Variants in CARD19 observed in about 807,000 individuals in gnomAD.
CARD19 encodes the protein caspase recruitment domain-containing protein 19.
A neutral mutation model predicts 24.1 loss-of-function variants in CARD19; 25 were observed. The ratio of observed to expected loss-of-function variants is 1.04; its 90% CI spans 0.76 to 1.45. The LOEUF is 1.45. Among genes scored for constraint, CARD19 ranks in the 40% most tolerant of loss-of-function variants. The pLI is 0.00. For synonymous variants in CARD19, 103 were observed against 104.9 expected, an observed-to-expected ratio of 0.98 and a Z score of 0.11; for missense variants, 241 against 247.4, an observed-to-expected ratio of 0.97 and a Z score of 0.17.
Position 93,096,315 on chromosome 9 carries a change from G to A in CARD19, c.-31G>A, listed in dbSNP as rs879915113. 4 of 1,225,348 alleles carry A rather than the reference G, an allele frequency of 3.3e-6. No homozygotes were observed. The highest frequency in any genetic ancestry group is 4.3e-5 in the Admixed American group (1 of 23,454). 75.9% of individuals were successfully genotyped at this position (1,225,348 alleles called of 1,614,324 possible). ...CGGACGCGCGGCGGGGCAGACCGCT[G>A]GGGACTGCGGGCGGCGCTGTGTCCG... is the stretch of plus-strand genomic sequence containing the variant. On this transcript the variant is annotated 5_prime_UTR_variant, in exon 1 of 6. Transcript: ENST00000375464. This position sits in a 1 kb window ranked among gnomAD's most constrained non-coding sequence, Gnocchi z 5.4.
rs1826889572 is a variant in CARD19, at chr9:93,096,910, T to C, written c.7+558T>C. 2.0e-5 allele frequency among the ~76,000 whole-genome samples: 3 copies of C among 152,034 alleles called. No individual in the cohort carries two copies. Among genetic ancestry groups the C allele is most frequent in the Non-Finnish European group, 4.4e-5 (3 of 68,000 alleles). ...AGACTCCTTCGGTGGTCCACGACGC[T>C]CTTGCCCCTGTTTAGTTCTAAGAGA... On this transcript the variant is annotated intron_variant, in intron 1 of 5. Coordinates refer to ENST00000375464, the MANE Select transcript of CARD19 (RefSeq NM_032310.5). This position sits in a 1 kb window ranked among gnomAD's most constrained non-coding sequence, Gnocchi z 5.4.
chr9:93,102,492 C>T (rs1827121628), intron 1 of CARD19, among the ~76,000 whole-genome samples: 1 of 151,812 alleles, frequency 6.6e-6, no homozygotes, highest in Non-Finnish European at 1.5e-5. Flanking sequence ...TCTTTTTTTC[C>T]ACTCTTTTAA....
intron 1 of CARD19, among the ~76,000 whole-genome samples, chr9:93,098,787 G>T (rs375416782): frequency 6.6e-6 from 1 of 152,320 alleles, no homozygotes; most frequent in South Asian, 2.1e-4. Context: ...CTGCAGCAGC[G>T]GAGGCTCTGC....
Position 93,096,352 on chromosome 9 carries a change from G to A in CARD19, c.7G>A (p.Asp3Asn). ...CGGCGCTGTGTCCGTCGCCATGACA[G>A]GTGGGCACGGGGTCGGCTGGGCGGC... MT[D>N]QTYCDRLVQD... The change falls in exon 1 of 6, where the codon GAT (aspartate) becomes AAT (asparagine). Residue 3 changes from aspartate (D) to asparagine (N), a missense_variant and splice_region_variant. Coordinates refer to ENST00000375464, the MANE Select transcript of CARD19 (RefSeq NM_032310.5). This position sits in a 1 kb window ranked among gnomAD's most constrained non-coding sequence, Gnocchi z 5.4. 1.6e-6 allele frequency: 2 copies of A among 1,226,050 alleles called. No individual in the cohort carries two copies. The highest frequency in any genetic ancestry group is 2.0e-6 in the Non-Finnish European group (2 of 984,134). 75.9% of individuals were successfully genotyped at this position (1,226,050 alleles called of 1,614,324 possible).
chr9:93,110,489 G>T, intron 2 of CARD19, 79 bp from the exon 3 acceptor site: 3 of 1,515,310 alleles, frequency 2.0e-6, no homozygotes, highest in Non-Finnish European at 2.6e-6. Flanking sequence ...GAGGCTGGGG[G>T]CCTGACCTTG....
chr9:93,111,279 A>C lies in CARD19; in HGVS notation c.304+558A>C, dbSNP rs1037969483. The C allele has an allele frequency of 6.9e-6, 8 of 1,155,108 alleles. No individual in the cohort carries two copies. The African/African-American group carries it at 1.3e-4, about 19-fold the overall frequency. The allele number at this position is 1,155,108 out of a possible 1,614,324, so 71.6% of individuals were successfully genotyped here. The stretch of plus-strand genomic sequence containing the variant: ...AGTGTGGACTCAGGCCCTGGGAGTC[A>C]TGTGGATGCCAGTAGCCTGGGCCCA... On this transcript the variant is annotated intron_variant, in intron 3 of 5. Coordinates refer to ENST00000375464, the MANE Select transcript of CARD19 (RefSeq NM_032310.5).
chr9:93,102,836 G>A (rs182282778), intron 1 of CARD19, among the ~76,000 whole-genome samples: 291 of 152,170 alleles, frequency 1.9e-3, no homozygotes, highest in Admixed American at 2.7e-3. Context: ...CAGTGTACAA[G>A]ATTTTTGCCT....
intron 5 of CARD19, 43 bp from the exon 6 acceptor site, chr9:93,112,949 T>G (rs1230215710): frequency 7.1e-7 from 1 of 1,413,808 alleles, no homozygotes; most frequent in Non-Finnish European, 9.8e-7. Flanking sequence ...AATTCACCTC[T>G]GGGACTGGTT....
At chr9:93,099,382 C>G (rs748582074) in intron 1 of CARD19, among the ~76,000 whole-genome samples, 1 of 152,186 alleles carries the variant, frequency 6.6e-6, no homozygotes, top group Non-Finnish European at 1.5e-5. Flanking sequence ...GTCTGAATAT[C>G]AAGAGGTGGT....
At chr9:93,105,155 G>T (rs1238158045) in intron 1 of CARD19, among the ~76,000 whole-genome samples, 1 of 149,442 alleles carries the variant, frequency 6.7e-6, no homozygotes, top group Non-Finnish European at 1.5e-5. Context: ...TTTTAGCGCG[G>T]TGTAAGGTGT....
At chr9:93,104,459 T>G (rs890284108) in intron 1 of CARD19, among the ~76,000 whole-genome samples, 17 of 62,454 alleles carry the variant, frequency 2.7e-4, no homozygotes, top group African/African-American at 5.2e-4. Context: ...TTCTCTCGTC[T>G]TCAGTTTTTT....
Position 93,096,298 on chromosome 9 carries a change from C to T in CARD19, c.-48C>T. On this transcript the variant is annotated 5_prime_UTR_variant, in exon 1 of 6. Transcript: ENST00000375464. The surrounding 1 kb of genome is among the most constrained non-coding windows in gnomAD (Gnocchi z 5.4). ...GGCGGCTGACCGAGGGGCGGACGCG[C>T]GGCGGGGCAGACCGCTGGGGACTGC... 8.2e-7 allele frequency: 1 copy of T among 1,220,634 alleles called. No homozygotes were observed. The allele number at this position is 1,220,634 out of a possible 1,614,324, so 75.6% of individuals were successfully genotyped here. A position where few individuals can be genotyped will look rare whatever the true frequency, so the allele number is the denominator to read the frequency against.
intron 1 of CARD19, among the ~76,000 whole-genome samples, chr9:93,105,516 A>G (rs182415496): frequency 6.6e-6 from 1 of 152,220 alleles, no homozygotes; most frequent in African/African-American, 2.4e-5. Context: ...TCTGGCCTCA[A>G]GTGATCTGCC....
intron 1 of CARD19, among the ~76,000 whole-genome samples, chr9:93,107,350 TC>T (rs1410153210): frequency 6.6e-6 from 1 of 152,258 alleles, no homozygotes; most frequent in African/African-American, 2.4e-5. Context: ...CTGAGCTATT[TC>T]CTGATGGCCC....
Position 93,110,729 on chromosome 9 carries a change from C to T in CARD19, c.304+8C>T. The stretch of plus-strand genomic sequence containing the variant: ...CCAGCCGCCACGCTCTGCGTAAGTT[C>T]CACATCACCAACCATGCATGCTTGG... On this transcript the variant is annotated splice_region_variant and intron_variant, in intron 3 of 5. Coordinates refer to ENST00000375464, the MANE Select transcript of CARD19 (RefSeq NM_032310.5). 2 of 1,608,340 alleles carry T rather than the reference C, an allele frequency of 1.2e-6. No individual in the cohort carries two copies. The highest frequency in any genetic ancestry group is 2.2e-5 in the East Asian group (1 of 44,828).
rs1244929788 is a variant in CARD19, at chr9:93,112,301, C to T, written c.436+12C>T. 15 of 1,541,862 alleles carry T rather than the reference C, an allele frequency of 9.7e-6. No homozygotes were observed. Among genetic ancestry groups the T allele is most frequent in the Middle Eastern group, 1.8e-4 (1 of 5,676 alleles). On this transcript the variant is annotated intron_variant, in intron 5 of 5. Coordinates refer to ENST00000375464, the MANE Select transcript of CARD19 (RefSeq NM_032310.5). ...CTGCTATCCGCCAGGTGGGTGCAAG[C>T]GGATCCTCATGGGGCTGGGCCTGCC...
chr9:93,113,132 C>T lies in CARD19; in HGVS notation c.*25C>T. 6.7e-7 allele frequency: 1 copy of T among 1,481,716 alleles called. No individual in the cohort carries two copies. The allele number at this position is 1,481,716 out of a possible 1,614,324, so 91.8% of individuals were successfully genotyped here. A position where few individuals can be genotyped will look rare whatever the true frequency, so the allele number is the denominator to read the frequency against. On this transcript the variant is annotated 3_prime_UTR_variant, in exon 6 of 6. Coordinates refer to ENST00000375464, the MANE Select transcript of CARD19 (RefSeq NM_032310.5). Reference sequence around the variant, plus strand: ...ACAGACCCTGGACCCAGGGCCTCACCTGCCACTCAACCAAAGAGTCCTCGA... The same window carrying T: ...ACAGACCCTGGACCCAGGGCCTCACTTGCCACTCAACCAAAGAGTCCTCGA...
Position 93,113,152 on chromosome 9 carries a change from C to T in CARD19, c.*45C>T, listed in dbSNP as rs1827576493. ...CTCACCTGCCACTCAACCAAAGAGTCCTCGAGCCGGCCCGCCAAGGGGACT... is the reference window on the plus strand; with the variant it reads ...CTCACCTGCCACTCAACCAAAGAGTTCTCGAGCCGGCCCGCCAAGGGGACT... On this transcript the variant is annotated 3_prime_UTR_variant, in exon 6 of 6. Transcript: ENST00000375464. 1 of 1,304,832 alleles carries T rather than the reference C, an allele frequency of 7.7e-7. No homozygotes were observed. The highest frequency in any genetic ancestry group is 1.1e-6 in the Non-Finnish European group (1 of 948,554). The allele number at this position is 1,304,832 out of a possible 1,614,324, so 80.8% of individuals were successfully genotyped here. A position where few individuals can be genotyped will look rare whatever the true frequency, so the allele number is the denominator to read the frequency against.
chr9:93,098,994 T>C (rs4333675), intron 1 of CARD19, among the ~76,000 whole-genome samples: 111,323 of 150,730 alleles, frequency 0.74, 43,672 homozygotes, highest in Non-Finnish European at 0.87. Flanking sequence ...CTCTGCCTCC[T>C]GGGTTCAAGG....
Sources: gnomAD v4.1 joint callset for allele counts (sites outside exome capture counted in the v4.1 genomes callset) on GRCh38, gnomAD v4.1.1 for gene constraint, Gnocchi (gnomAD v3.1) non-coding constraint, MANE v1.5 for transcripts, NCBI Gene and HGNC (gene_info 2026-07-23, HGNC 2026-07-21) for gene names.